The following NDE1 variants were observed in gnomAD, a reference collection of about 807,000 sequenced individuals.
NDE1 encodes the protein nudE neurodevelopment protein 1.
NDE1 carries 28 observed loss-of-function variants against 43.4 expected under a neutral mutation model. That is an observed-to-expected ratio of 0.65 (90% CI 0.48 to 0.89). The LOEUF (loss-of-function observed/expected upper bound fraction) is 0.89. Ranked by LOEUF, NDE1 falls within the 40% of genes least tolerant of loss-of-function variation. The pLI is 0.00. For synonymous variants in NDE1, 184 were observed against 172.0 expected (o/e 1.07, Z -0.55); for missense variants, 441 against 434.1 (o/e 1.02, Z -0.14).
At chr16:15,716,160 C>T (rs937746708) in intron 8 of NDE1, among the ~76,000 whole-genome samples, 1 of 152,064 alleles carries the variant, frequency 6.6e-6, no homozygotes, top group African/African-American at 2.4e-5. Flanking sequence ...AACTCCTGGA[C>T]TCAAGTGCTG....
At chr16:15,696,660 G>T in intron 7 of NDE1, 49 bp from the exon 8 acceptor site, 1 of 1,613,812 alleles carries the variant, frequency 6.2e-7, no homozygotes, top group South Asian at 1.1e-5. Context: ...TGGTAAGACA[G>T]AATAGTCCTT....
At chr16:15,678,711 C>G (rs1282603190) in intron 4 of NDE1, among the ~76,000 whole-genome samples, 1 of 152,128 alleles carries the variant, frequency 6.6e-6, no homozygotes, top group Admixed American at 6.6e-5. Flanking sequence ...AAGAATTACT[C>G]TCAGCCAAGC....
At chr16:15,699,564 C>T (rs1019247139) in intron 8 of NDE1, 97 of 1,186,166 alleles carry the variant, frequency 8.2e-5, no homozygotes, top group Non-Finnish European at 1.0e-4. Context: ...ATCTGAGAGC[C>T]AGGTAGCCAG....
At chr16:15,643,553 A>G (rs2036203379) in exon 1 of NDE1, 1 of 347,740 alleles carries the variant, frequency 2.9e-6, no homozygotes, top group South Asian at 2.1e-5. Context: ...TTTCAATGAA[A>G]AACCCTGTCC....
At chr16:15,667,069 A>G (rs2037343564) in intron 2 of NDE1, among the ~76,000 whole-genome samples, 1 of 152,108 alleles carries the variant, frequency 6.6e-6, no homozygotes, top group Non-Finnish European at 1.5e-5. Context: ...AACATGGTGA[A>G]ACCCCGTCAC....
intron 8 of NDE1, chr16:15,717,905 A>G (rs1189159893): frequency 1.3e-5 from 4 of 301,870 alleles, no homozygotes; most frequent in Non-Finnish European, 2.6e-5. Flanking sequence ...TGTTCACCCT[A>G]CACCACAAGG....
chr16:15,650,920 C>T (rs532013205), intron 1 of NDE1, among the ~76,000 whole-genome samples: 94 of 152,264 alleles, frequency 6.2e-4, no homozygotes, highest in Non-Finnish European at 1.0e-3. Context: ...GTCTGCTCTC[C>T]GCTTTGCTCC....
chr16:15,644,698 A>C (rs1231813630), intron 1 of NDE1, among the ~76,000 whole-genome samples: 1 of 151,972 alleles, frequency 6.6e-6, no homozygotes, highest in East Asian at 1.9e-4. Flanking sequence ...TAGATGAAAA[A>C]CCCGTTTCTA....
At chr16:15,701,321 G>A (rs1001555844) in intron 8 of NDE1, 2 of 151,848 alleles carry the variant, frequency 1.3e-5, no homozygotes, top group Admixed American at 6.6e-5. Flanking sequence ...AGGTGCGTTC[G>A]AGTTTTCAGA....
intron 8 of NDE1, among the ~76,000 whole-genome samples, chr16:15,722,655 T>G (rs1324659340): frequency 6.6e-6 from 1 of 152,112 alleles, no homozygotes; most frequent in Non-Finnish European, 1.5e-5. Flanking sequence ...AACTGGGATG[T>G]TATCTAGAAT....
intron 6 of NDE1, among the ~76,000 whole-genome samples, chr16:15,692,855 G>A (rs2038820214): frequency 6.6e-6 from 1 of 152,018 alleles, no homozygotes; most frequent in Admixed American, 6.6e-5. Flanking sequence ...TCCTGCCTCA[G>A]CCTCCTGAGT....
Position 15,667,345 on chromosome 16 carries a change from C to T in NDE1, c.143C>T (p.Ala48Val). The T allele has an allele frequency of 6.2e-7, 1 of 1,614,088 alleles. No homozygotes were observed. The highest frequency in any genetic ancestry group is 8.5e-7 in the Non-Finnish European group (1 of 1,180,032). ...EFQEGSREYEAELETQLQQIE... is the reference protein window; with the variant it reads ...EFQEGSREYEVELETQLQQIE... Reference sequence around the variant, plus strand: ...CAGGAGGGAAGCCGAGAATATGAAGCTGAATTGGAGACGCAGCTGCAACAA... The same window carrying T: ...CAGGAGGGAAGCCGAGAATATGAAGTTGAATTGGAGACGCAGCTGCAACAA... Residue 48 changes from alanine to valine, a missense_variant, in exon 3 of 9, where the codon GCT becomes GTT. Transcript: ENST00000396354.
chr16:15,665,166 G>A (rs2037239099), intron 2 of NDE1, among the ~76,000 whole-genome samples: 1 of 151,692 alleles, frequency 6.6e-6, no homozygotes, highest in Non-Finnish European at 1.5e-5. Context: ...TGGGACTACA[G>A]GTGTGAGCTC....
chr16:15,650,558 G>C (rs920939669), intron 1 of NDE1, among the ~76,000 whole-genome samples: 1 of 152,198 alleles, frequency 6.6e-6, no homozygotes, highest in African/African-American at 2.4e-5. Context: ...TCCTCGCGCT[G>C]GCCCCTCGCC....
rs146272706 is a variant in NDE1 at position 15,700,740 on chromosome 16, C to G, written c.947+3880C>G. Among the ~76,000 whole-genome samples the G allele has an allele frequency of 4.2e-3, 637 of 152,118 alleles. 4 individuals carry two copies. Among genetic ancestry groups the G allele is most frequent in the African/African-American group, 0.015 (604 of 41,512 alleles). ...TGCTGGAATTACAGGCCTGAGCCAC[C>G]GTGCCTGGCCCCTGATTGGTCTTGA... On this transcript the variant is annotated intron_variant, in intron 8 of 8. Transcript: ENST00000396354.
chr16:15,694,857 C>T (rs1019430833), intron 7 of NDE1: 2 of 985,116 alleles, frequency 2.0e-6, no homozygotes, highest in African/African-American at 3.5e-5. Flanking sequence ...TTCCTTAACT[C>T]GAAAAATTAA....
exon 1 of NDE1, chr16:15,643,452 C>T (rs969422378): frequency 6.8e-6 from 3 of 439,744 alleles, no homozygotes; most frequent in African/African-American, 6.5e-5. Flanking sequence ...AGAATGAGCT[C>T]GTGACGTGGA....
intron 1 of NDE1, among the ~76,000 whole-genome samples, chr16:15,662,838 C>A (rs563987314): frequency 6.6e-6 from 1 of 152,296 alleles, no homozygotes; most frequent in South Asian, 2.1e-4. Context: ...CTTGGCCTGT[C>A]AAAGTGCTGG....
chr16:15,678,908 C>G (rs981301285), intron 4 of NDE1, among the ~76,000 whole-genome samples: 1 of 151,936 alleles, frequency 6.6e-6, no homozygotes, highest in Admixed American at 6.6e-5. Flanking sequence ...AAACCCGTCT[C>G]TACTAAAAAT....
Sources: gnomAD v4.1 joint callset for allele counts (sites outside exome capture counted in the v4.1 genomes callset) on GRCh38, gnomAD v4.1.1 for gene constraint, MANE v1.5 for transcripts, NCBI Gene and HGNC (gene_info 2026-07-23, HGNC 2026-07-21) for gene names.